The following FRMD1 variants were observed in gnomAD, a reference collection of about 807,000 sequenced individuals.
The protein encoded by FRMD1 is FERM domain containing 1.
Under a neutral mutation model 54.9 loss-of-function variants are expected in FRMD1, and 51 were observed. The observed-to-expected ratio is 0.93, with a 90% CI of 0.74 to 1.17. The LOEUF (loss-of-function observed/expected upper bound fraction) is 1.17, where lower values mean the gene tolerates loss of function less well. FRMD1 is among the 50% of genes most tolerant of loss of function. The pLI is 0.00. For synonymous variants in FRMD1, 324 were observed against 306.4 expected (o/e 1.06, Z -0.60); for missense variants, 729 against 743.0 (o/e 0.98, Z 0.22).
At position 168,055,344 on chromosome 6, in the gene FRMD1, C is replaced by T; in HGVS notation, c.*1753G>A. On this transcript the variant is annotated 3_prime_UTR_variant, in exon 11 of 11. Transcript: ENST00000283309. ...GCATGTGTGTGTGTGCATGCGTGTG[C>T]ATCTGTGTGCAGATGTGTGCGTGTG... The T allele has an allele frequency of 6.5e-6, 1 of 152,722 alleles. No individual in the cohort carries two copies. The allele number at this position is 152,722 out of a possible 1,614,324, so 9.5% of individuals were successfully genotyped here. A position where few individuals can be genotyped will look rare whatever the true frequency, so the allele number is the denominator to read the frequency against.
In FRMD1 at chr6:168,064,966, G is replaced by A. The variant is rs1488899803; in HGVS notation, c.553C>T (p.Leu185=). 6 of 1,611,944 alleles carry A rather than the reference G, an allele frequency of 3.7e-6. No individual in the cohort carries two copies. The highest frequency in any genetic ancestry group is 4.2e-6 in the Non-Finnish European group (5 of 1,179,836). The change falls in exon 5 of 11, where the codon CTG becomes TTG. Residue 185 remains leucine, a synonymous_variant. Transcript: ENST00000283309. The part of the protein sequence containing the change: ...CAHREEAYFL[L]AACALQADLG... ...TCAGCCTGCAGCGCGCAGGCAGCCA[G>A]CAGGAAGTAGGCTTCCTCCCGGTGA...
intron 2 of FRMD1, among the ~76,000 whole-genome samples, chr6:168,072,208 G>A (rs1358347289): frequency 6.6e-6 from 1 of 152,144 alleles, no homozygotes. Flanking sequence ...GAGACGCCCT[G>A]CCCTGCACCC....
Position 168,053,514 on chromosome 6 carries a change from AGT to A in FRMD1, c.*3581_*3582del, listed in dbSNP as rs1446867629. 6.6e-6 allele frequency: 1 copy of A among 152,362 alleles called. No individual in the cohort carries two copies. Among genetic ancestry groups the A allele is most frequent in the Non-Finnish European group, 1.5e-5 (1 of 68,166 alleles). 9.4% of individuals were successfully genotyped at this position (152,362 alleles called of 1,614,324 possible). A position where few individuals can be genotyped will look rare whatever the true frequency, so the allele number is the denominator to read the frequency against. On this transcript the variant is annotated 3_prime_UTR_variant, in exon 11 of 11. Transcript: ENST00000283309. Reference sequence around the variant, plus strand: ...AAACGTCTCCCAGCAGACCGAGCCAAGTGTGTGTCCAGTTCAGCCTCCCCTAC... The same window carrying A: ...AAACGTCTCCCAGCAGACCGAGCCAAGTGTGTCCAGTTCAGCCTCCCCTAC...
intron 4 of FRMD1, chr6:168,066,288 C>T (rs990491489): frequency 4.8e-6 from 4 of 837,224 alleles, no homozygotes; most frequent in East Asian, 1.2e-4. Context: ...CACCTGAGGT[C>T]GGGAGTTTGA....
chr6:168,063,644 C>A lies in FRMD1; in HGVS notation c.761G>T (p.Cys254Phe), dbSNP rs920141173. The A allele has an allele frequency of 1.2e-6, 2 of 1,613,600 alleles. No individual in the cohort carries two copies. The highest frequency in any genetic ancestry group is 4.5e-5 in the East Asian group (2 of 44,886). ...EAMLCFIQEA[C>F]RLEDVPVHFF... ...GTGCACGGGCACGTCCTCCAGCCGG[C>A]AGGCCTCCTGGATGAAGCACAGCAT... is the stretch of plus-strand genomic sequence containing the variant. The change falls in exon 6 of 11, where the codon TGC (cysteine) becomes TTC (phenylalanine). Residue 254 changes from cysteine (C) to phenylalanine (F), a missense_variant. Physicochemically the swap from Cys to Phe is radical, Grantham distance 205. Transcript: ENST00000283309.
At chr6:168,091,506 G>A (rs1455847720) in intron 1 of FRMD1, among the ~76,000 whole-genome samples, 2 of 152,230 alleles carry the variant, frequency 1.3e-5, no homozygotes, top group Admixed American at 1.3e-4. Context: ...GGTGTCAGCA[G>A]GATGGCTCAG....
intron 3 of FRMD1, 142 bp downstream of exon 3, chr6:168,067,224 GC>G: frequency 1.6e-6 from 1 of 638,560 alleles, no homozygotes; most frequent in African/African-American, 1.9e-5. Flanking sequence ...CCACCGTGGT[GC>G]CCTGCTCTCT....
Position 168,065,049 on chromosome 6 carries a change from CT to C in FRMD1, c.469del (p.Arg157GlyfsTer10). On this transcript the variant is annotated frameshift_variant, in exon 5 of 11. Coordinates refer to ENST00000283309, the MANE Select transcript of FRMD1 (RefSeq NM_024919.6). LOFTEE classifies it high-confidence loss of function. ...VENGRVISDH[R>X]ARHLYYCHLK... ...GTGGCAGTAGTACAGGTGCCGTGCC[CT>C]GTGGTCGCTGGAAGGTGGCAGGGAG... 6.3e-7 allele frequency: 1 copy of C among 1,599,514 alleles called. No individual in the cohort carries two copies. Among genetic ancestry groups the C allele is most frequent in the Non-Finnish European group, 8.5e-7 (1 of 1,170,604 alleles).
chr6:168,084,298 A>G (rs1800883040), upstream of FRMD1, among the ~76,000 whole-genome samples: 1 of 152,246 alleles, frequency 6.6e-6, no homozygotes, highest in Non-Finnish European at 1.5e-5. Flanking sequence ...CCTCCAGGGC[A>G]GGTGGGGAAG....
chr6:168,066,148 C>T (rs374899902), intron 4 of FRMD1: 35 of 987,002 alleles, frequency 3.5e-5, no homozygotes, highest in East Asian at 3.4e-4. Flanking sequence ...CCAGAAGCCT[C>T]GCCCACCCCC....
rs758650150 is a variant in FRMD1, at chr6:168,059,206, C to T, written c.1343-18G>A. The T allele has an allele frequency of 6.4e-6, 10 of 1,571,018 alleles. No individual in the cohort carries two copies. The Admixed American group carries it at 1.1e-4, about 17-fold the overall frequency. Reference sequence around the variant, plus strand: ...ACGAGTGGCTGTGGGAGGAGGCAGCCGTGAGCACAGGTGTCTGGGTTCTGC... The same window carrying T: ...ACGAGTGGCTGTGGGAGGAGGCAGCTGTGAGCACAGGTGTCTGGGTTCTGC... On this transcript the variant is annotated intron_variant, in intron 9 of 10. Transcript: ENST00000283309. This position sits in a 1 kb window ranked among gnomAD's most constrained non-coding sequence, Gnocchi z 4.4.
At chr6:168,077,286 G>GT (rs1410750169) in intron 1 of FRMD1, among the ~76,000 whole-genome samples, 2 of 151,654 alleles carry the variant, frequency 1.3e-5, no homozygotes, top group East Asian at 1.9e-4. Context: ...TCCGATGGGG[G>GT]GGGGTTCTTG....
At chr6:168,061,401 G>A (rs562588927) in intron 8 of FRMD1, among the ~76,000 whole-genome samples, 1 of 151,922 alleles carries the variant, frequency 6.6e-6, no homozygotes, top group African/African-American at 2.4e-5. Context: ...CCAGGCCTGT[G>A]GGTAAACACT....
intron 2 of FRMD1, among the ~76,000 whole-genome samples, chr6:168,069,848 C>G (rs1321869301): frequency 2.6e-5 from 4 of 152,180 alleles, no homozygotes; most frequent in Non-Finnish European, 5.9e-5. Context: ...TGGTGATGGG[C>G]GCACCCTTCT....
intron 2 of FRMD1, among the ~76,000 whole-genome samples, chr6:168,075,010 G>T (rs1800514718): frequency 6.6e-6 from 1 of 150,964 alleles, no homozygotes; most frequent in Non-Finnish European, 1.5e-5. Flanking sequence ...GTGCATGTGT[G>T]TGGTGTGTGC....
At chr6:168,085,035 A>G (rs1453966234), upstream of FRMD1, among the ~76,000 whole-genome samples, 2 of 152,212 alleles carry the variant, frequency 1.3e-5, no homozygotes, top group African/African-American at 4.8e-5. Context: ...CCAAGCAGAC[A>G]CATTCCCACA....
chr6:168,065,766 A>G (rs1799995408), intron 4 of FRMD1: 3 of 992,470 alleles, frequency 3.0e-6, no homozygotes, highest in South Asian at 4.7e-5. Flanking sequence ...ACACAACCAC[A>G]CGCCCCTCAC....
upstream of FRMD1, chr6:168,081,462 G>T: frequency 2.0e-6 from 3 of 1,535,640 alleles, no homozygotes; most frequent in Non-Finnish European, 2.6e-6. Flanking sequence ...GGAGACCACC[G>T]CCCAGATCTC....
At chr6:168,082,623 G>GCTAAGTGA (rs1439990360), upstream of FRMD1, among the ~76,000 whole-genome samples, 1 of 152,202 alleles carries the variant, frequency 6.6e-6, no homozygotes, top group Non-Finnish European at 1.5e-5. Flanking sequence ...GCACACAGCA[G>GCTAAGTGA]CTAAGTGACT....
Sources: allele counts gnomAD v4.1 joint callset (sites outside exome capture counted in the v4.1 genomes callset), GRCh38; gene constraint gnomAD v4.1.1; non-coding constraint Gnocchi (gnomAD v3.1); transcripts MANE v1.5; gene names NCBI Gene and HGNC (gene_info 2026-07-23, HGNC 2026-07-21).